MICALL2: variants seen among roughly 807,000 people sequenced by gnomAD.
MICALL2 encodes the protein MICAL-like protein 2.
Under a neutral mutation model 91.1 loss-of-function variants are expected in MICALL2, and 111 were observed. The ratio of observed to expected loss-of-function variants is 1.22; its 90% CI spans 1.04 to 1.43. The LOEUF (loss-of-function observed/expected upper bound fraction) is 1.43. MICALL2 is among the 40% of genes most tolerant of loss of function. MICALL2 has a pLI of 0.00. For synonymous variants in MICALL2, 694 were observed against 525.3 expected, an observed-to-expected ratio of 1.32 and a Z score of -4.39; for missense variants, 1,556 against 1,236.0, an observed-to-expected ratio of 1.26 and a Z score of -3.88.
At chr7:1,449,048 G>A (rs915587463) in intron 2 of MICALL2, among the ~76,000 whole-genome samples, 4 of 152,256 alleles carry the variant, frequency 2.6e-5, no homozygotes, top group Non-Finnish European at 5.9e-5. Context: ...GAGAATCCCA[G>A]GCCCCACCCA....
At chr7:1,438,005 A>AG (rs778691695) in intron 12 of MICALL2, 25 bp from the exon 13 acceptor site, 2 of 1,550,138 alleles carry the variant, frequency 1.3e-6, no homozygotes, top group South Asian at 2.4e-5. Flanking sequence ...CAGCTGGGGC[A>AG]GGGGGGCCCG....
chr7:1,436,551 C>CAAAAAAAAAAAAAA (rs59955608), intron 15 of MICALL2, among the ~76,000 whole-genome samples, 191 bp downstream of exon 15: 3 of 74,478 alleles, frequency 4.0e-5, no homozygotes, highest in Non-Finnish European at 8.2e-5. Flanking sequence ...GACTCTGTCT[C>CAAAAAAAAAAAAAA]AAAAAAAAAA....
At chr7:1,448,158 A>T (rs1780680269) in intron 3 of MICALL2, 1 of 236,226 alleles carries the variant, frequency 4.2e-6, no homozygotes. Flanking sequence ...CGGGGGCCCC[A>T]CCCTGCCAGG....
At chr7:1,448,534 A>G (rs2128523928) in intron 3 of MICALL2, 86 bp downstream of exon 3, 2 of 1,377,070 alleles carry the variant, frequency 1.5e-6, no homozygotes, top group Non-Finnish European at 1.0e-6. Flanking sequence ...CTGGGCATGG[A>G]CCCCAAAAAG....
intron 1 of MICALL2, 109 bp downstream of exon 1, chr7:1,459,075 T>A (rs1221287582): frequency 2.6e-6 from 3 of 1,161,628 alleles, no homozygotes; most frequent in Non-Finnish European, 3.6e-6. Flanking sequence ...GCCTGCCCAG[T>A]CCCACGCCTC....
chr7:1,440,993 G>A (rs777898616), intron 7 of MICALL2: 40 of 397,686 alleles, frequency 1.0e-4, no homozygotes, highest in Non-Finnish European at 1.8e-4. Flanking sequence ...CTGTCCACCT[G>A]TGCAAGGGGA....
rs751312044 is a variant in MICALL2, at chr7:1,444,941, G to A, written c.1129C>T (p.Gln377Ter). 4.0e-6 allele frequency: 6 copies of A among 1,518,140 alleles called. No individual in the cohort carries two copies. Among genetic ancestry groups the A allele is most frequent in the Non-Finnish European group, 5.3e-6 (6 of 1,134,966 alleles). 94.0% of individuals were successfully genotyped at this position (1,518,140 alleles called of 1,614,324 possible). Residue 377 changes from glutamine (Q) to a stop codon, truncating the protein, a stop_gained, in exon 6 of 17, where the codon CAG becomes TAG. Transcript: ENST00000297508. LOFTEE classifies it high-confidence loss of function. ...GCCACTCGGGGGGCTCCCCCACCCT[G>A]GGGTGTGGCCGGGCGAGGGTCTGGG... ...SAPDPRPATPQGGGAPRVAAP... is the reference protein window; with the variant it reads ...SAPDPRPATP
At chr7:1,442,076 G>C in intron 7 of MICALL2, 116 bp downstream of exon 7, 1 of 1,178,478 alleles carries the variant, frequency 8.5e-7, no homozygotes. Context: ...GAGATGAGAC[G>C]GAGAGGAAGG....
Position 1,441,901 on chromosome 7 carries a change from C to A in MICALL2, c.1711+291G>T. The stretch of plus-strand genomic sequence containing the variant: ...TAGCCACAGGATGTAACTGCCAGAC[C>A]GAGCTGAGCGGGACGCTGCAGGGCT... On this transcript the variant is annotated intron_variant, in intron 7 of 16. Coordinates refer to ENST00000297508, the MANE Select transcript of MICALL2 (RefSeq NM_182924.4). The A allele has an allele frequency of 8.9e-6, 4 of 451,462 alleles. No homozygotes were observed. The South Asian group carries it at 1.2e-4, about 13-fold the overall frequency. 28.0% of individuals were successfully genotyped at this position (451,462 alleles called of 1,614,324 possible). A position where few individuals can be genotyped will look rare whatever the true frequency, so the allele number is the denominator to read the frequency against.
rs1398945291 is a variant in MICALL2, at chr7:1,459,397, G to A, written c.-71C>T. 23 of 1,347,640 alleles carry A rather than the reference G, an allele frequency of 1.7e-5. No individual in the cohort carries two copies. In the East Asian group the frequency reaches 6.5e-4, roughly 38 times the overall value. 83.5% of individuals were successfully genotyped at this position (1,347,640 alleles called of 1,614,324 possible). The stretch of plus-strand genomic sequence containing the variant: ...TCCCGCGGCTGTGCCGCGACCGCCC[G>A]GCCGGCGGGACAGACGCTGGGACCG... On this transcript the variant is annotated 5_prime_UTR_variant, in exon 1 of 17. Coordinates refer to ENST00000297508, the MANE Select transcript of MICALL2 (RefSeq NM_182924.4).
At position 1,445,085 on chromosome 7, in the gene MICALL2, G is replaced by A; in HGVS notation, c.985C>T (p.Pro329Ser). ...PARPSESRLAPTPTEGKVRPR... is the reference protein window; with the variant it reads ...PARPSESRLASTPTEGKVRPR... Reference sequence around the variant, plus strand: ...CGGACTTTCCCCTCCGTGGGAGTGGGGGCCAGGCGGCTCTCAGAGGGCCTG... The same window carrying A: ...CGGACTTTCCCCTCCGTGGGAGTGGAGGCCAGGCGGCTCTCAGAGGGCCTG... The change falls in exon 6 of 17, where the codon CCC (proline) becomes TCC (serine). Residue 329 changes from proline to serine, a missense_variant. Coordinates refer to ENST00000297508, the MANE Select transcript of MICALL2 (RefSeq NM_182924.4). 1 of 1,551,348 alleles carries A rather than the reference G, an allele frequency of 6.4e-7. No individual in the cohort carries two copies. Among genetic ancestry groups the A allele is most frequent in the Non-Finnish European group, 8.7e-7 (1 of 1,148,162 alleles).
rs767798767 is a variant in MICALL2 at position 1,438,893 on chromosome 7, C to G, written c.2069G>C (p.Arg690Pro). ...LRPEPPGQEA[R>P]VQSWKEEEKK... is the part of the protein sequence containing the mutation. ...CTCCTCCTCCTTCCAGCTCTGCACT[C>G]GGGCTTCCTGGCCAGGGGGCTCCGG... is the stretch of plus-strand genomic sequence containing the variant. Residue 690 changes from arginine to proline, a missense_variant, in exon 10 of 17, where the codon CGA (arginine) becomes CCA (proline). Physicochemically the swap from Arg to Pro is moderately radical, Grantham distance 103. Coordinates refer to ENST00000297508, the MANE Select transcript of MICALL2 (RefSeq NM_182924.4). The G allele has an allele frequency of 5.6e-6, 9 of 1,610,624 alleles. No homozygotes were observed. The highest frequency in any genetic ancestry group is 2.2e-5 in the East Asian group (1 of 44,886).
intron 16 of MICALL2, 25 bp from the exon 17 acceptor site, chr7:1,434,697 C>G: frequency 6.5e-7 from 1 of 1,531,334 alleles, no homozygotes; most frequent in Non-Finnish European, 8.7e-7. Flanking sequence ...GACAGTGAGG[C>G]CGTGCTCAAC....
At position 1,447,555 on chromosome 7, in the gene MICALL2, AGGGTG is replaced by A; in HGVS notation, c.525+15_525+19del. 1 of 947,476 alleles carries A rather than the reference AGGGTG, an allele frequency of 1.1e-6. No individual in the cohort carries two copies. Among genetic ancestry groups the A allele is most frequent in the Non-Finnish European group, 1.4e-6 (1 of 706,096 alleles). 58.7% of individuals were successfully genotyped at this position (947,476 alleles called of 1,614,324 possible). A position where few individuals can be genotyped will look rare whatever the true frequency, so the allele number is the denominator to read the frequency against. On this transcript the variant is annotated intron_variant, in intron 4 of 16. Coordinates refer to ENST00000297508, the MANE Select transcript of MICALL2 (RefSeq NM_182924.4). ...GTGGAAAACCCAGAGAACCAGGGGGAGGGTGGGGTGGGAGCTTACAGTCTTGGGGG... is the reference window on the plus strand; with the variant it reads ...GTGGAAAACCCAGAGAACCAGGGGGAGGGTGGGAGCTTACAGTCTTGGGGG...
chr7:1,438,287 A>G lies in MICALL2; in HGVS notation c.2187+2T>C. ...CCTGCCCGGCTCCCCACCACTACTC[A>G]CCCTGACTGGGGAGGTCACCGTCTC... On this transcript the variant is annotated splice_donor_variant, in intron 11 of 16. Coordinates refer to ENST00000297508, the MANE Select transcript of MICALL2 (RefSeq NM_182924.4). LOFTEE classifies it high-confidence loss of function. 1.9e-6 allele frequency: 3 copies of G among 1,596,440 alleles called. No individual in the cohort carries two copies. The highest frequency in any genetic ancestry group is 2.6e-6 in the Non-Finnish European group (3 of 1,172,192).
At position 1,434,644 on chromosome 7, in the gene MICALL2, G is replaced by A; in HGVS notation, c.2667C>T (p.Arg889=). 1.9e-6 allele frequency: 3 copies of A among 1,573,166 alleles called. No homozygotes were observed. Among genetic ancestry groups the A allele is most frequent in the South Asian group, 2.3e-5 (2 of 85,630 alleles). The change falls in exon 17 of 17, where the codon CGC becomes CGT. Residue 889 remains arginine (R), a synonymous_variant. Transcript: ENST00000297508. The part of the protein sequence containing the change: ...LGLQRKKSKF[R]LSKIWSPKSK... Reference sequence around the variant, plus strand: ...TTTTTGGTGACCAGATCTTGGACAAGCGGAACTTGGACTTCTTCCTCTGGA... The same window carrying A: ...TTTTTGGTGACCAGATCTTGGACAAACGGAACTTGGACTTCTTCCTCTGGA...
intron 2 of MICALL2, 97 bp from the exon 3 acceptor site, chr7:1,448,858 C>T (rs1584227211): frequency 6.8e-7 from 1 of 1,459,912 alleles, no homozygotes; most frequent in East Asian, 2.3e-5. Flanking sequence ...AGTCTTGGAG[C>T]CCAAAGAGGC....
intron 10 of MICALL2, 70 bp from the exon 11 acceptor site, chr7:1,438,423 G>A (rs920790619): frequency 1.9e-6 from 3 of 1,544,730 alleles, no homozygotes; most frequent in Middle Eastern, 2.3e-4. Context: ...ACACAGCTTG[G>A]AAGGAGCCTG....
rs1171920788 is a variant in MICALL2 at position 1,445,365 on chromosome 7, G to A, written c.705C>T (p.Thr235=). Residue 235 remains threonine (T), a synonymous_variant, in exon 6 of 17, where the codon ACC becomes ACT. Transcript: ENST00000297508. ...GAYKATGEPG[T]FVCTSHLPAA... ...CGGGGAGGTGGCTGGTGCAGACGAA[G>A]GTGCCCGGCTCTCCTGTGGCCTTGT... is the stretch of plus-strand genomic sequence containing the variant. The A allele has an allele frequency of 1.9e-6, 3 of 1,591,202 alleles. No homozygotes were observed. The highest frequency in any genetic ancestry group is 2.2e-5 in the South Asian group (2 of 89,238).
Sources: gnomAD v4.1 joint callset for allele counts (sites outside exome capture counted in the v4.1 genomes callset) on GRCh38, gnomAD v4.1.1 for gene constraint, MANE v1.5 for transcripts, NCBI Gene and HGNC (gene_info 2026-07-23, HGNC 2026-07-21) for gene names.